Variants in DENND5A observed in about 807,000 individuals in gnomAD.
DENND5A encodes DENN domain containing 5A.
Under a neutral mutation model 140.3 loss-of-function variants are expected in DENND5A, and 64 were observed. The observed-to-expected ratio is 0.46, with a 90% CI of 0.37 to 0.56. DENND5A has a LOEUF of 0.56. Ranked by LOEUF, DENND5A falls within the 20% of genes least tolerant of loss-of-function variation. The probability of loss-of-function intolerance (pLI) is 0.00; values close to 1 mark genes in which losing one functional copy is unlikely to be tolerated. For missense variants in DENND5A, 1,292 were observed against 1,593.8 expected (o/e 0.81, Z 3.22); for synonymous variants, 605 against 607.7 (o/e 1.00, Z 0.07).
At chr11:9,263,487 G>A (rs2136312547) in intron 1 of DENND5A, among the ~76,000 whole-genome samples, 1 of 151,286 alleles carries the variant, frequency 6.6e-6, no homozygotes, top group Admixed American at 6.6e-5. Flanking sequence ...CTCCCAAAGT[G>A]CTGGGATTAC....
At position 9,193,687 on chromosome 11, in the gene DENND5A, TCAA is replaced by T. The variant is rs776754419; in HGVS notation, c.950-9_950-7del. ...AGTCATCAGTCTCTGGTAATCTGGG[TCAA>T]CAACAACAAAAAAAGCACACACACA... On this transcript the variant is annotated splice_polypyrimidine_tract_variant and splice_region_variant and intron_variant, in intron 4 of 22. Transcript: ENST00000328194. The T allele has an allele frequency of 3.1e-6, 5 of 1,595,408 alleles. No homozygotes were observed. The highest frequency in any genetic ancestry group is 4.3e-6 in the Non-Finnish European group (5 of 1,172,314).
chr11:9,190,004 T>C (rs911119460), intron 5 of DENND5A, among the ~76,000 whole-genome samples: 5 of 152,238 alleles, frequency 3.3e-5, no homozygotes, highest in African/African-American at 9.6e-5. Context: ...GAGATCATTT[T>C]GGAACTTTAA....
At chr11:9,199,309 C>A (rs1403333486) in intron 4 of DENND5A, among the ~76,000 whole-genome samples, 1 of 151,936 alleles carries the variant, frequency 6.6e-6, no homozygotes, top group Admixed American at 6.6e-5. Flanking sequence ...TCAGCCTGGG[C>A]AACATGGCAA....
At chr11:9,187,976 T>C (rs780086376) in intron 5 of DENND5A, among the ~76,000 whole-genome samples, 3 of 152,194 alleles carry the variant, frequency 2.0e-5, no homozygotes, top group Non-Finnish European at 4.4e-5. Flanking sequence ...TAAACCAAGC[T>C]TGCCCCACCT....
intron 1 of DENND5A, among the ~76,000 whole-genome samples, chr11:9,259,042 A>G (rs1433540378): frequency 1.3e-5 from 2 of 152,030 alleles, no homozygotes. Flanking sequence ...GGGCAGATCA[A>G]CTGAGGTCAG....
chr11:9,241,145 A>T (rs1330845598), intron 1 of DENND5A, among the ~76,000 whole-genome samples: 1 of 152,154 alleles, frequency 6.6e-6, no homozygotes, highest in Admixed American at 6.6e-5. Flanking sequence ...CAGAACTGAA[A>T]GACTCTAAAG....
Position 9,144,193 on chromosome 11 carries a change from G to A in DENND5A, c.3208C>T (p.Pro1070Ser). 6.2e-7 allele frequency: 1 copy of A among 1,614,158 alleles called. No homozygotes were observed. Residue 1070 changes from proline (P) to serine (S), a missense_variant, in exon 19 of 23, where the codon CCT (proline) becomes TCT (serine). Transcript: ENST00000328194. ...ILVGELLTSQ[P>S]EVDERPCRTP... ...CGGCATGGCCTCTCATCCACCTCAGGCTGGGATGTGAGCAGCTCCCCAACT... is the reference window on the plus strand; with the variant it reads ...CGGCATGGCCTCTCATCCACCTCAGACTGGGATGTGAGCAGCTCCCCAACT...
intron 1 of DENND5A, among the ~76,000 whole-genome samples, chr11:9,214,246 C>T (rs1168139464): frequency 6.6e-6 from 1 of 152,186 alleles, no homozygotes; most frequent in South Asian, 2.1e-4. Context: ...TTGTCTTCAA[C>T]TCTCTGGCTG....
At chr11:9,180,350 G>A (rs1848687501) in intron 6 of DENND5A, among the ~76,000 whole-genome samples, 1 of 152,156 alleles carries the variant, frequency 6.6e-6, no homozygotes, top group Non-Finnish European at 1.5e-5. Flanking sequence ...CTACTTGAGA[G>A]GCTGAGGCAG....
At chr11:9,261,090 A>G (rs913074898) in intron 1 of DENND5A, among the ~76,000 whole-genome samples, 2 of 152,112 alleles carry the variant, frequency 1.3e-5, no homozygotes, top group Non-Finnish European at 2.9e-5. Flanking sequence ...GGCTCAAGCA[A>G]TTCACCCACC....
intron 5 of DENND5A, among the ~76,000 whole-genome samples, chr11:9,192,356 C>T (rs542043700): frequency 4.2e-4 from 64 of 152,310 alleles, no homozygotes; most frequent in Non-Finnish European, 6.5e-4. Flanking sequence ...CGGCCGGGCG[C>T]GGTGGCTCAC....
chr11:9,233,645 C>T (rs1590314080), intron 1 of DENND5A, among the ~76,000 whole-genome samples: 1 of 151,910 alleles, frequency 6.6e-6, no homozygotes, highest in Non-Finnish European at 1.5e-5. Flanking sequence ...GGAAAAGATA[C>T]ACATGAAGGT....
intron 1 of DENND5A, among the ~76,000 whole-genome samples, chr11:9,232,141 T>C (rs1362902943): frequency 6.6e-6 from 1 of 151,824 alleles, no homozygotes; most frequent in Non-Finnish European, 1.5e-5. Context: ...GGTAAAAAAA[T>C]AAAGCCTTTA....
At chr11:9,156,672 C>T (rs1847813461) in intron 12 of DENND5A, among the ~76,000 whole-genome samples, 1 of 150,314 alleles carries the variant, frequency 6.7e-6, no homozygotes, top group South Asian at 2.1e-4. Flanking sequence ...CATTGTGGTG[C>T]GGAGCTGTAG....
Position 9,193,632 on chromosome 11 carries a change from A to T in DENND5A, c.999T>A (p.Phe333Leu), listed in dbSNP as rs552991474. The T allele has an allele frequency of 1.7e-5, 27 of 1,613,964 alleles. No homozygotes were observed. Among genetic ancestry groups the T allele is most frequent in the Admixed American group, 5.0e-5 (3 of 59,982 alleles). Residue 333 changes from phenylalanine (F) to leucine (L), a missense_variant, in exon 5 of 23, where the codon TTT becomes TTA. Around this residue, in one of 4 missense-constraint regions of DENND5A, gnomAD observed 566 missense variants for 650.4 expected, o/e 0.87. Transcript: ENST00000328194. ...CATAGACATGCTGCCACTGGAAAGG[A>T]AACATGAGAGCTGTAATCGTCTCCG... is the stretch of plus-strand genomic sequence containing the variant. The part of the protein sequence containing the change: ...TVAETITALM[F>L]PFQWQHVYVP...
At chr11:9,170,068 A>T in intron 9 of DENND5A, 119 bp from the exon 10 acceptor site, 1 of 866,652 alleles carries the variant, frequency 1.2e-6, no homozygotes, top group Non-Finnish European at 1.9e-6. Context: ...AATGACCTAG[A>T]TGTCACCAGA....
chr11:9,252,535 T>A (rs1417941966), intron 1 of DENND5A, among the ~76,000 whole-genome samples: 1 of 151,874 alleles, frequency 6.6e-6, no homozygotes, highest in Non-Finnish European at 1.5e-5. Flanking sequence ...TAGTCCCAGC[T>A]ACTCAGGAGG....
In DENND5A at chr11:9,178,970, A is replaced by G; in HGVS notation, c.1559T>C (p.Phe520Ser). Residue 520 changes from phenylalanine (F) to serine (S), a missense_variant, in exon 7 of 23, where the codon TTT becomes TCT. Around this residue, in one of 4 missense-constraint regions of DENND5A, gnomAD observed 566 missense variants for 650.4 expected, o/e 0.87. Coordinates refer to ENST00000328194, the MANE Select transcript of DENND5A (RefSeq NM_015213.4). ...YQLNIQIREVFANRFTQMFAD... is the reference protein window; with the variant it reads ...YQLNIQIREVSANRFTQMFAD... The stretch of plus-strand genomic sequence containing the variant: ...AAACATCTGAGTGAAACGATTTGCA[A>G]AAACTTCCCGGATCTGAATGTTTAG... The G allele has an allele frequency of 6.2e-7, 1 of 1,614,166 alleles. No homozygotes were observed. Among genetic ancestry groups the G allele is most frequent in the Non-Finnish European group, 8.5e-7 (1 of 1,180,018 alleles).
chr11:9,188,113 G>A (rs1459443858), intron 5 of DENND5A, among the ~76,000 whole-genome samples: 4 of 152,148 alleles, frequency 2.6e-5, no homozygotes, highest in Admixed American at 6.5e-5. Context: ...GGGACCCAGT[G>A]GGGGATAGTT....
Sources: allele counts gnomAD v4.1 joint callset (sites outside exome capture counted in the v4.1 genomes callset), GRCh38; gene constraint gnomAD v4.1.1; regional missense constraint gnomAD v4.1.1; transcripts MANE v1.5; gene names NCBI Gene and HGNC (gene_info 2026-07-23, HGNC 2026-07-21).